PDE3B: variants seen among roughly 807,000 people sequenced by gnomAD.
The protein encoded by PDE3B is cGMP-inhibited 3',5'-cyclic phosphodiesterase 3B.
Under a neutral mutation model 116.8 loss-of-function variants are expected in PDE3B, and 66 were observed. The ratio of observed to expected loss-of-function variants is 0.56; its 90% CI spans 0.46 to 0.69. The LOEUF (loss-of-function observed/expected upper bound fraction) is 0.69, where lower values mean the gene tolerates loss of function less well. Among genes scored for constraint, PDE3B ranks in the 30% least tolerant of loss-of-function variants. The pLI is 0.00. For missense variants in PDE3B, 1,384 were observed against 1,368.1 expected, an observed-to-expected ratio of 1.01 and a Z score of -0.18; for synonymous variants, 595 against 533.6, an observed-to-expected ratio of 1.12 and a Z score of -1.59.
intron 4 of PDE3B, among the ~76,000 whole-genome samples, chr11:14,790,061 C>T (rs1002703011): frequency 6.6e-6 from 1 of 151,940 alleles, no homozygotes; most frequent in Non-Finnish European, 1.5e-5. Flanking sequence ...TGTATAGTTT[C>T]ACATTTGAAA....
intron 1 of PDE3B, among the ~76,000 whole-genome samples, chr11:14,760,825 G>C (rs1358798064): frequency 6.6e-6 from 1 of 152,100 alleles, no homozygotes; most frequent in Non-Finnish European, 1.5e-5. Context: ...TGTGGTACAT[G>C]TGATATTTTA....
the PDE3B span, among the ~76,000 whole-genome samples, chr11:14,898,178 C>T: frequency 2.0e-5 from 3 of 151,892 alleles, no homozygotes; most frequent in East Asian, 1.9e-4. Context: ...TTTTGCCTCT[C>T]GGTGGATTCA....
At chr11:14,783,855 G>C (rs1858109706) in intron 2 of PDE3B, among the ~76,000 whole-genome samples, 1 of 152,148 alleles carries the variant, frequency 6.6e-6, no homozygotes, top group Non-Finnish European at 1.5e-5. Context: ...AAAGACAAAA[G>C]GAAGTTCTTT....
chr11:14,864,272 G>A (rs560027714), intron 14 of PDE3B, among the ~76,000 whole-genome samples: 6 of 152,198 alleles, frequency 3.9e-5, no homozygotes, highest in Non-Finnish European at 5.9e-5. Context: ...AAATATATAT[G>A]CACCCAATAC....
At chr11:14,779,516 G>A (rs4275651) in intron 2 of PDE3B, among the ~76,000 whole-genome samples, 151,132 of 152,290 alleles carry the variant, frequency 0.99, 75,006 homozygotes, top group Middle Eastern at 1. Flanking sequence ...CCAATATTCA[G>A]TACTCTTCAA....
At chr11:14,837,857 T>C (rs1860101914) in intron 11 of PDE3B, among the ~76,000 whole-genome samples, 1 of 152,204 alleles carries the variant, frequency 6.6e-6, no homozygotes, top group Non-Finnish European at 1.5e-5. Context: ...TGTCCTATTC[T>C]CACTGCACTG....
intron 1 of PDE3B, among the ~76,000 whole-genome samples, chr11:14,716,124 G>C (rs1445039139): frequency 5.9e-5 from 9 of 152,156 alleles, no homozygotes; most frequent in Non-Finnish European, 1.2e-4. Context: ...CAAGGGGTCA[G>C]GGAGTTCCCT....
At chr11:14,890,815 T>A in the PDE3B span, 1 of 967,416 alleles carries the variant, frequency 1.0e-6, no homozygotes, top group Non-Finnish European at 1.2e-6. Context: ...CCTAAAGTGC[T>A]GGGATTATAG....
chr11:14,880,109 C>T, the PDE3B span: 2 of 1,611,230 alleles, frequency 1.2e-6, no homozygotes, highest in East Asian at 4.5e-5. Flanking sequence ...TAAGGATAGA[C>T]CCTGAGATCA....
intron 1 of PDE3B, among the ~76,000 whole-genome samples, chr11:14,770,214 T>A (rs1034317111): frequency 3.3e-5 from 5 of 151,368 alleles, no homozygotes; most frequent in Non-Finnish European, 7.4e-5. Context: ...ATATATCGTA[T>A]GGCTCTGTTT....
intron 4 of PDE3B, among the ~76,000 whole-genome samples, chr11:14,800,499 T>A (rs1044859472): frequency 1.3e-5 from 2 of 152,172 alleles, no homozygotes; most frequent in Non-Finnish European, 2.9e-5. Context: ...TATTCTGGCT[T>A]ATAGGGTTTC....
At chr11:14,686,934 G>A (rs367664505) in intron 1 of PDE3B, among the ~76,000 whole-genome samples, 7 of 152,128 alleles carry the variant, frequency 4.6e-5, no homozygotes, top group African/African-American at 1.7e-4. Flanking sequence ...AGGATGGTCT[G>A]GATCTCCTGA....
At chr11:14,836,454 A>G (rs1323799268) in intron 11 of PDE3B, among the ~76,000 whole-genome samples, 1 of 151,496 alleles carries the variant, frequency 6.6e-6, no homozygotes, top group Non-Finnish European at 1.5e-5. Context: ...GAATATGTTG[A>G]TTGGTAGTTT....
At chr11:14,771,865 T>C in intron 1 of PDE3B, 72 bp from the exon 2 acceptor site, 1 of 579,162 alleles carries the variant, frequency 1.7e-6, no homozygotes, top group Non-Finnish European at 2.9e-6. Context: ...TAATTGAAAA[T>C]GCTGAATTTT....
intron 1 of PDE3B, among the ~76,000 whole-genome samples, chr11:14,665,117 G>A (rs1392048136): frequency 2.6e-5 from 4 of 152,208 alleles, no homozygotes; most frequent in African/African-American, 7.2e-5. Flanking sequence ...TTCAATATCC[G>A]CAAATCAATA....
At chr11:14,890,738 T>C in the PDE3B span, among the ~76,000 whole-genome samples, 4 of 151,904 alleles carry the variant, frequency 2.6e-5, no homozygotes, top group Admixed American at 1.3e-4. Context: ...TTAGTAGAGA[T>C]GGGGTTTCAC....
chr11:14,876,210 G>A (rs1398174449), downstream of PDE3B, among the ~76,000 whole-genome samples: 1 of 152,064 alleles, frequency 6.6e-6, no homozygotes, highest in African/African-American at 2.4e-5. Flanking sequence ...ACTTGAATAT[G>A]TTTGTCAAGA....
At chr11:14,680,161 A>C (rs1030975362) in intron 1 of PDE3B, among the ~76,000 whole-genome samples, 1 of 152,138 alleles carries the variant, frequency 6.6e-6, no homozygotes, top group Non-Finnish European at 1.5e-5. Context: ...TTGGACCTCA[A>C]CCTCTCTGAA....
Position 14,791,509 on chromosome 11 carries a change from T to C in PDE3B, c.1415+2267T>C, listed in dbSNP as rs562473399. The stretch of plus-strand genomic sequence containing the variant: ...TTTACTTAGAGACTTGGTGTTATCT[T>C]TGCATCCTGTTACCTTATTCTACAG... On this transcript the variant is annotated intron_variant, in intron 4 of 15. Coordinates refer to ENST00000282096, the MANE Select transcript of PDE3B (RefSeq NM_000922.4). 1.1e-4 allele frequency among the ~76,000 whole-genome samples: 16 copies of C among 152,296 alleles called. No individual in the cohort carries two copies. In the East Asian group the frequency reaches 3.1e-3, roughly 29 times the overall value.
Sources: allele counts gnomAD v4.1 joint callset (sites outside exome capture counted in the v4.1 genomes callset), GRCh38; gene constraint gnomAD v4.1.1; transcripts MANE v1.5; gene names NCBI Gene and HGNC (gene_info 2026-07-23, HGNC 2026-07-21).